Variants in CELF2 observed in about 807,000 individuals in gnomAD.
CELF2 encodes the protein CUG triplet repeat RNA-binding protein 2.
In CELF2, 8 loss-of-function variants were observed where a neutral mutation model predicts 62.6. The ratio of observed to expected loss-of-function variants is 0.13; its 90% CI spans 0.07 to 0.23. CELF2 has a LOEUF of 0.23. Among genes scored for constraint, CELF2 ranks in the 10% least tolerant of loss-of-function variants. The pLI, the probability that CELF2 is intolerant of heterozygous loss-of-function variation, is 1.00. For missense variants in CELF2, 333 were observed against 671.0 expected, an observed-to-expected ratio of 0.50 and a Z score of 5.56; for synonymous variants, 258 against 250.0, an observed-to-expected ratio of 1.03 and a Z score of -0.30.
At position 11,243,176 on chromosome 10, in the gene CELF2, C is replaced by T. The variant is rs2074515383; in HGVS notation, c.355-5977C>T. 6.6e-6 allele frequency among the ~76,000 whole-genome samples: 1 copy of T among 152,132 alleles called. No individual in the cohort carries two copies. Among genetic ancestry groups the T allele is most frequent in the Admixed American group, 6.5e-5 (1 of 15,280 alleles). Reference sequence around the variant, plus strand: ...TTAGTACACAGCAGCAACAGAGCTTCAGCAGATGCCTTCTTGGGACCGCGC... The same window carrying T: ...TTAGTACACAGCAGCAACAGAGCTTTAGCAGATGCCTTCTTGGGACCGCGC... On this transcript the variant is annotated intron_variant, in intron 3 of 12. Transcript: ENST00000633077. The surrounding 1 kb of genome is among the most constrained non-coding windows in gnomAD (Gnocchi z 4.1).
chr10:11,121,223 A>G (rs952357463), intron 1 of CELF2, among the ~76,000 whole-genome samples: 1 of 152,132 alleles, frequency 6.6e-6, no homozygotes. Flanking sequence ...GTCCAATTAC[A>G]TGGTTGATAC....
chr10:10,668,067 G>C, the CELF2 span, among the ~76,000 whole-genome samples: 5 of 152,180 alleles, frequency 3.3e-5, no homozygotes, highest in Non-Finnish European at 5.9e-5. Flanking sequence ...TAGAGGGAGA[G>C]ACTTAGATAT....
At chr10:10,733,213 C>A in the CELF2 span, among the ~76,000 whole-genome samples, 1 of 152,288 alleles carries the variant, frequency 6.6e-6, no homozygotes, top group East Asian at 1.9e-4. Flanking sequence ...GCCATTGAAG[C>A]GCCCTCCTCT....
chr10:10,872,532 T>C (rs959174850), intron 1 of CELF2, among the ~76,000 whole-genome samples: 2 of 152,176 alleles, frequency 1.3e-5, no homozygotes, highest in Non-Finnish European at 2.9e-5. Context: ...TCCCAAACAT[T>C]TATGCTTACC....
intron 1 of CELF2, among the ~76,000 whole-genome samples, chr10:11,065,499 G>A (rs1040481912): frequency 6.6e-6 from 1 of 152,048 alleles, no homozygotes; most frequent in African/African-American, 2.4e-5. Context: ...ATGGTTAGAG[G>A]TTTCTTGGAT....
the CELF2 span, among the ~76,000 whole-genome samples, chr10:10,740,880 T>C: frequency 1.4e-4 from 21 of 152,090 alleles, no homozygotes; most frequent in Admixed American, 1.0e-3. Flanking sequence ...TTTTTTTAAG[T>C]CGATTACATA....
In CELF2 at chr10:11,242,645, C is replaced by CTCATTT. The variant is rs1264282150; in HGVS notation, c.355-6497_355-6492dup. Among the ~76,000 whole-genome samples the CTCATTT allele has an allele frequency of 1.3e-5, 2 of 152,198 alleles. No individual in the cohort carries two copies. Among genetic ancestry groups the CTCATTT allele is most frequent in the African/African-American group, 2.4e-5 (1 of 41,432 alleles). On this transcript the variant is annotated intron_variant, in intron 3 of 12. Transcript: ENST00000633077. The surrounding 1 kb of genome is among the most constrained non-coding windows in gnomAD (Gnocchi z 4.8). ...AATGGCTTTGCTCCAAAGTCGTACT[C>CTCATTT]TCATTTTCATTTTCATGAGTCACAG...
chr10:10,909,360 C>T (rs925585505), intron 1 of CELF2, among the ~76,000 whole-genome samples: 4 of 152,336 alleles, frequency 2.6e-5, no homozygotes, highest in East Asian at 1.9e-4. Flanking sequence ...AATAATGTGG[C>T]CCCTACTTCA....
chr10:10,832,272 A>T (rs946531576), intron 1 of CELF2, among the ~76,000 whole-genome samples: 102 of 125,202 alleles, frequency 8.1e-4, no homozygotes, highest in African/African-American at 3.0e-3. Context: ...CATCTAAAAA[A>T]AAAAAATAAA....
chr10:10,814,713 CTCAA>C, intron 1 of CELF2, among the ~76,000 whole-genome samples: 1 of 152,298 alleles, frequency 6.6e-6, no homozygotes, highest in South Asian at 2.1e-4. Context: ...CTTCAGAGAG[CTCAA>C]TCAGTTACAG....
chr10:10,885,419 G>A (rs1225438315), intron 1 of CELF2, among the ~76,000 whole-genome samples: 1 of 151,506 alleles, frequency 6.6e-6, no homozygotes, highest in South Asian at 2.1e-4. Context: ...TCTAAATCTA[G>A]AATCTAGGCT....
At chr10:10,502,201 G>C in the CELF2 span, among the ~76,000 whole-genome samples, 1 of 143,296 alleles carries the variant, frequency 7.0e-6, no homozygotes, top group Non-Finnish European at 1.6e-5. Context: ...TTTCCTGAGG[G>C]ATATTGATTT....
In CELF2 at chr10:11,300,889, G is replaced by C. The variant is rs1471212122; in HGVS notation, c.976+12337G>C. ...GCCACTGTGTTTTCACTATCTAATT[G>C]TTCTGTGGAAAGTGTTTAACGAGGG... On this transcript the variant is annotated intron_variant, in intron 9 of 12. Transcript: ENST00000633077. The surrounding 1 kb of genome is among the most constrained non-coding windows in gnomAD (Gnocchi z 5.5). Among the ~76,000 whole-genome samples, 1 of 152,174 alleles carries C rather than the reference G, an allele frequency of 6.6e-6. No homozygotes were observed. The highest frequency in any genetic ancestry group is 1.5e-5 in the Non-Finnish European group (1 of 68,026).
chr10:11,100,728 T>C (rs1170039305), intron 1 of CELF2, among the ~76,000 whole-genome samples: 2 of 152,146 alleles, frequency 1.3e-5, no homozygotes, highest in Non-Finnish European at 2.9e-5. Context: ...TAATGTGAGA[T>C]GTTTTTAAAG....
At chr10:10,620,391 C>T in the CELF2 span, among the ~76,000 whole-genome samples, 1 of 142,100 alleles carries the variant, frequency 7.0e-6, no homozygotes, top group Non-Finnish European at 1.5e-5. Flanking sequence ...TGCAGTGAGC[C>T]TAGCTGGCAT....
chr10:10,714,750 C>A, the CELF2 span, among the ~76,000 whole-genome samples: 3 of 152,214 alleles, frequency 2.0e-5, no homozygotes, highest in South Asian at 6.2e-4. Context: ...TGTTTAAATG[C>A]ATCTTTTGGC....
chr10:10,826,710 A>G (rs1484976149), intron 1 of CELF2, among the ~76,000 whole-genome samples: 6 of 152,210 alleles, frequency 3.9e-5, no homozygotes. Context: ...TACAGTGAAA[A>G]TGGAAATACC....
chr10:11,234,009 A>C (rs967727995), intron 3 of CELF2, among the ~76,000 whole-genome samples: 3 of 152,206 alleles, frequency 2.0e-5, no homozygotes, highest in African/African-American at 7.2e-5. Flanking sequence ...CTGAGTTTGA[A>C]GGGTGAGATC....
At chr10:11,027,646 T>C (rs1300235512) in intron 1 of CELF2, among the ~76,000 whole-genome samples, 1 of 152,224 alleles carries the variant, frequency 6.6e-6, no homozygotes, top group African/African-American at 2.4e-5. Context: ...CGACTTGCCC[T>C]GTATGTCGTA....
Sources: gnomAD v4.1 joint callset for allele counts (sites outside exome capture counted in the v4.1 genomes callset) on GRCh38, gnomAD v4.1.1 for gene constraint, Gnocchi (gnomAD v3.1) non-coding constraint, MANE v1.5 for transcripts, NCBI Gene and HGNC (gene_info 2026-07-23, HGNC 2026-07-21) for gene names.